CEP63: variants seen among roughly 807,000 people sequenced by gnomAD.
The protein encoded by CEP63 is centrosomal protein 63.
Under a neutral mutation model 89.1 loss-of-function variants are expected in CEP63, and 84 were observed. The ratio of observed to expected loss-of-function variants is 0.94; its 90% CI spans 0.79 to 1.13. The LOEUF (loss-of-function observed/expected upper bound fraction) is 1.13. Among genes scored for constraint, CEP63 ranks in the 50% most tolerant of loss-of-function variants. CEP63 has a pLI of 0.00. For synonymous variants in CEP63, 267 were observed against 272.5 expected (o/e 0.98, Z 0.20); for missense variants, 838 against 813.3 (o/e 1.03, Z -0.37).
chr3:134,572,529 A>G lies in CEP63; in HGVS notation c.1330-2264A>G, dbSNP rs570340890. On this transcript the variant is annotated intron_variant, in intron 11 of 11. Coordinates refer to the CEP63 transcript ENST00000354446. ...GTATTTGGTTTTCTGTTCCTGCCTT[A>G]TCTTGCTTAGGATAATGGCCTCTGG... Among the ~76,000 whole-genome samples the G allele has an allele frequency of 3.3e-5, 5 of 152,296 alleles. No homozygotes were observed. In the East Asian group the frequency reaches 9.6e-4, roughly 29 times the overall value.
intron 11 of CEP63, among the ~76,000 whole-genome samples, chr3:134,571,944 A>G (rs1958026880): frequency 1.3e-5 from 2 of 152,234 alleles, no homozygotes; most frequent in African/African-American, 4.8e-5. Context: ...TGTGATTTCT[A>G]TTGGAATAAA....
At chr3:134,504,670 A>C (rs1184234378) in intron 2 of CEP63, among the ~76,000 whole-genome samples, 10 of 150,276 alleles carry the variant, frequency 6.7e-5, no homozygotes, top group Admixed American at 6.0e-4. Context: ...GGAAGTTTTC[A>C]GCTATTATTT....
chr3:134,636,058 G>A, the CEP63 span, among the ~76,000 whole-genome samples: 1 of 151,984 alleles, frequency 6.6e-6, no homozygotes, highest in Non-Finnish European at 1.5e-5. Flanking sequence ...TTACAGTTTT[G>A]CTATTAGAAA....
In CEP63 at chr3:134,532,890, C is replaced by T. The variant is rs1205157018; in HGVS notation, c.431C>T (p.Ala144Val). Reference protein sequence around the residue: ...EDRSEIERLTAKIEEFRQKSL... With the variant: ...EDRSEIERLTVKIEEFRQKSL... ...CGGTCTGAAATTGAGAGGTTAACTG[C>T]AAAAATAGAGGTATGTTCATAGTAA... Residue 144 changes from alanine to valine, a missense_variant, in exon 5 of 15, where the codon GCA (alanine) becomes GTA (valine). Physicochemically the swap from Ala to Val is moderately conservative, Grantham distance 64. Transcript: ENST00000675561. The T allele has an allele frequency of 6.2e-7, 1 of 1,613,532 alleles. No homozygotes were observed. Among genetic ancestry groups the T allele is most frequent in the Middle Eastern group, 1.7e-4 (1 of 6,060 alleles).
chr3:134,521,486 A>G (rs1947442203), intron 3 of CEP63, among the ~76,000 whole-genome samples: 1 of 152,176 alleles, frequency 6.6e-6, no homozygotes, highest in South Asian at 2.1e-4. Context: ...GTTGAACATG[A>G]CTTAGCATGT....
chr3:134,648,670 C>T, the CEP63 span, among the ~76,000 whole-genome samples: 2 of 152,166 alleles, frequency 1.3e-5, no homozygotes, highest in Admixed American at 1.3e-4. Flanking sequence ...AGTGACCTAG[C>T]CTGTCCACAC....
chr3:134,536,147 C>G (rs6763088), intron 5 of CEP63: 48,379 of 152,034 alleles, frequency 0.32, 7,972 homozygotes, highest in African/African-American at 0.36. Flanking sequence ...TTAAAAATTA[C>G]AACCCCAACT....
the CEP63 span, among the ~76,000 whole-genome samples, chr3:134,621,167 A>C: frequency 3.3e-5 from 5 of 152,204 alleles, no homozygotes; most frequent in African/African-American, 1.2e-4. Flanking sequence ...CTAAGGATTT[A>C]ACATAATCCT....
the CEP63 span, chr3:134,610,202 T>C: frequency 6.2e-7 from 1 of 1,609,590 alleles, no homozygotes; most frequent in Non-Finnish European, 8.5e-7. Flanking sequence ...TACAGGAAGG[T>C]GAATTTGGAG....
At chr3:134,508,681 G>A (rs1012228125) in intron 3 of CEP63, among the ~76,000 whole-genome samples, 10 of 152,140 alleles carry the variant, frequency 6.6e-5, no homozygotes, top group Admixed American at 1.3e-4. Flanking sequence ...CATTGTTGCC[G>A]TTACTTAATG....
chr3:134,674,135 C>T, the CEP63 span, among the ~76,000 whole-genome samples: 3 of 152,188 alleles, frequency 2.0e-5, no homozygotes, highest in African/African-American at 4.8e-5. Context: ...TCCTACAGAA[C>T]ACAAACTTCC....
intron 1 of CEP63, among the ~76,000 whole-genome samples, chr3:134,493,243 T>G (rs563548878): frequency 2.0e-5 from 3 of 152,070 alleles, no homozygotes; most frequent in Non-Finnish European, 4.4e-5. Context: ...ATGAAAAAGC[T>G]GGAAGAAACC....
chr3:134,781,040 A>G, the CEP63 span, among the ~76,000 whole-genome samples: 1 of 152,328 alleles, frequency 6.6e-6, no homozygotes, highest in Admixed American at 6.5e-5. Flanking sequence ...ATTTTGTAAT[A>G]CTTCCCTTGA....
downstream of CEP63, among the ~76,000 whole-genome samples, chr3:134,569,096 G>T (rs1053953668): frequency 1.3e-5 from 2 of 152,176 alleles, no homozygotes; most frequent in Admixed American, 1.3e-4. Context: ...CTGCCCCCAT[G>T]ATTCAACCAC....
chr3:134,486,645 C>A, intron 1 of CEP63: 1 of 664,374 alleles, frequency 1.5e-6, no homozygotes. Context: ...GCCTCCCTGC[C>A]AGGGCTGCTG....
the CEP63 span, among the ~76,000 whole-genome samples, chr3:134,698,058 T>C: frequency 6.6e-6 from 1 of 152,188 alleles, no homozygotes; most frequent in African/African-American, 2.4e-5. Flanking sequence ...CTGCTCAGGG[T>C]GTCTGATGGG....
chr3:134,590,224 C>T (rs1230601300), downstream of CEP63, among the ~76,000 whole-genome samples: 1 of 151,968 alleles, frequency 6.6e-6, no homozygotes, highest in Admixed American at 6.6e-5. Context: ...TGTACATATA[C>T]CCCTTAACCT....
At chr3:134,549,783 C>G (rs1464098206) in intron 10 of CEP63, among the ~76,000 whole-genome samples, 1 of 152,208 alleles carries the variant, frequency 6.6e-6, no homozygotes, top group Admixed American at 6.5e-5. Flanking sequence ...CACAAGTACT[C>G]TCCTCTAAAT....
the CEP63 span, among the ~76,000 whole-genome samples, chr3:134,689,025 A>C: frequency 6.6e-6 from 1 of 152,228 alleles, no homozygotes; most frequent in Admixed American, 6.5e-5. Context: ...TGTTCACCAA[A>C]ACAATAAAAG....
Sources: gnomAD v4.1 joint callset for allele counts (sites outside exome capture counted in the v4.1 genomes callset) on GRCh38, gnomAD v4.1.1 for gene constraint, MANE v1.5 for transcripts, NCBI Gene and HGNC (gene_info 2026-07-23, HGNC 2026-07-21) for gene names.